GNAQ: variants seen among roughly 807,000 people sequenced by gnomAD.
GNAQ encodes guanine nucleotide-binding protein G(q) subunit alpha.
A neutral mutation model predicts 43.9 loss-of-function variants in GNAQ; 8 were observed. The ratio of observed to expected loss-of-function variants is 0.18; its 90% confidence interval spans 0.11 to 0.33. The LOEUF (loss-of-function observed/expected upper bound fraction) is 0.33, where lower values mean the gene tolerates loss of function less well. GNAQ is among the 10% of genes least tolerant of loss of function. GNAQ has a pLI of 1.00. For synonymous variants in GNAQ, 155 were observed against 170.7 expected (o/e 0.91, Z 0.71); for missense variants, 158 against 450.8 (o/e 0.35, Z 5.88).
At position 77,815,636 on chromosome 9, in the gene GNAQ, T is replaced by G. The variant is rs200924131; in HGVS notation, c.456A>C (p.Gln152His). The G allele has an allele frequency of 3.7e-6, 6 of 1,604,374 alleles. No homozygotes were observed. The highest frequency in any genetic ancestry group is 5.1e-6 in the Non-Finnish European group (6 of 1,172,292). The part of the protein sequence containing the change: ...QECYDRRREY[Q>H]LSDSTKYYLN... Reference sequence around the variant, plus strand: ...CTCACTATTTGGTAGAGTCAGATAATTGATATTCTCGTCGTCTATCATAGC... The same window carrying G: ...CTCACTATTTGGTAGAGTCAGATAAGTGATATTCTCGTCGTCTATCATAGC... The change falls in exon 3 of 7, where the codon CAA (glutamine) becomes CAC (histidine). Residue 152 changes from glutamine (Q) to histidine (H), a missense_variant. This residue lies in a region of GNAQ where 5 missense variants were observed against 32.4 expected (regional missense o/e 0.15). Transcript: ENST00000286548.
intron 3 of GNAQ, among the ~76,000 whole-genome samples, chr9:77,810,121 T>C (rs1564117202): frequency 3.3e-5 from 5 of 152,190 alleles, no homozygotes; most frequent in Admixed American, 3.3e-4. Context: ...TGGTAAGTGA[T>C]TTATAAAACA....
At chr9:77,820,967 T>C (rs1236094883) in intron 2 of GNAQ, among the ~76,000 whole-genome samples, 1 of 152,190 alleles carries the variant, frequency 6.6e-6, no homozygotes, top group East Asian at 1.9e-4. Flanking sequence ...AAAGTACCAT[T>C]AATAATTATT....
intron 1 of GNAQ, among the ~76,000 whole-genome samples, chr9:77,929,294 T>C (rs1180232436): frequency 6.6e-6 from 1 of 152,166 alleles, no homozygotes; most frequent in African/African-American, 2.4e-5. Flanking sequence ...GGGAACCAAC[T>C]CATTCAAAGA....
intron 1 of GNAQ, among the ~76,000 whole-genome samples, chr9:77,996,854 C>A (rs564780034): frequency 6.6e-6 from 1 of 152,246 alleles, no homozygotes; most frequent in Non-Finnish European, 1.5e-5. Context: ...ATTAAACTAA[C>A]AAATAAGCAG....
At chr9:77,974,878 A>C (rs550832809) in intron 1 of GNAQ, among the ~76,000 whole-genome samples, 1 of 152,368 alleles carries the variant, frequency 6.6e-6, no homozygotes, top group South Asian at 2.1e-4. Context: ...TCCTCATTTT[A>C]CTTTGTTGCA....
rs558228864 is a variant in GNAQ, at chr9:77,983,608, G to A, written c.136+47492C>T. Among the ~76,000 whole-genome samples, 6 of 152,274 alleles carry A rather than the reference G, an allele frequency of 3.9e-5. No individual in the cohort carries two copies. In the East Asian group the frequency reaches 1.2e-3, roughly 29 times the overall value. The stretch of plus-strand genomic sequence containing the variant: ...TCCTTATTCCTCATAGTTGGTGTAT[G>A]TTGCCTTTTGCCTCTTTCTTTCAAG... On this transcript the variant is annotated intron_variant, in intron 1 of 6. Transcript: ENST00000286548.
intron 4 of GNAQ, among the ~76,000 whole-genome samples, chr9:77,795,116 A>T (rs1279882391): frequency 6.6e-6 from 1 of 152,188 alleles, no homozygotes; most frequent in Non-Finnish European, 1.5e-5. Context: ...CTCATCCTTT[A>T]TCAGCAGGGT....
At chr9:77,974,653 G>A (rs56038459) in intron 1 of GNAQ, among the ~76,000 whole-genome samples, 4,829 of 152,258 alleles carry the variant, frequency 0.032, 114 homozygotes, top group Non-Finnish European at 0.046. Context: ...CAGGATGCAA[G>A]GCTGCCTAGT....
chr9:77,759,859 T>C (rs891077226), intron 5 of GNAQ, among the ~76,000 whole-genome samples: 1 of 152,072 alleles, frequency 6.6e-6, no homozygotes, highest in African/African-American at 2.4e-5. Flanking sequence ...ATAATGTTCT[T>C]AGTCCCTATT....
chr9:77,785,501 T>C (rs998965752), intron 5 of GNAQ, among the ~76,000 whole-genome samples: 6 of 152,168 alleles, frequency 3.9e-5, no homozygotes, highest in African/African-American at 1.2e-4. Context: ...GTTGAACATA[T>C]GTATTCCCTG....
At chr9:77,795,582 T>G (rs1009653950) in intron 4 of GNAQ, among the ~76,000 whole-genome samples, 1 of 152,094 alleles carries the variant, frequency 6.6e-6, no homozygotes, top group Non-Finnish European at 1.5e-5. Context: ...AAACAAGAAC[T>G]AAGATCTTCT....
chr9:77,724,117 A>G (rs941560734), intron 6 of GNAQ, among the ~76,000 whole-genome samples: 7 of 152,120 alleles, frequency 4.6e-5, no homozygotes, highest in South Asian at 2.1e-4. Context: ...TACGTATCAT[A>G]TATCTGTCTT....
intron 1 of GNAQ, among the ~76,000 whole-genome samples, chr9:77,981,844 T>G (rs1823372618): frequency 6.6e-6 from 1 of 152,188 alleles, no homozygotes; most frequent in Non-Finnish European, 1.5e-5. Flanking sequence ...GCTGCTCAAT[T>G]TTACCTTGAT....
chr9:77,779,680 CA>C (rs58014303), intron 5 of GNAQ, among the ~76,000 whole-genome samples: 11,116 of 96,094 alleles, frequency 0.12, 401 homozygotes, highest in African/African-American at 0.21. Context: ...AAAAACAAAA[CA>C]AAAAAAAAAA....
intron 5 of GNAQ, among the ~76,000 whole-genome samples, chr9:77,747,395 TGAA>T (rs1825747581): frequency 6.6e-6 from 1 of 152,154 alleles, no homozygotes; most frequent in African/African-American, 2.4e-5. Context: ...TACCCTGTTA[TGAA>T]GAAGACTTTT....
intron 1 of GNAQ, among the ~76,000 whole-genome samples, chr9:78,016,086 C>A (rs996256986): frequency 1.3e-5 from 2 of 152,116 alleles, no homozygotes; most frequent in African/African-American, 2.4e-5. Flanking sequence ...CCCCACATCA[C>A]ACCACATACA....
intron 1 of GNAQ, among the ~76,000 whole-genome samples, chr9:78,028,284 C>T (rs1380029012): frequency 1.3e-5 from 2 of 151,998 alleles, no homozygotes; most frequent in Admixed American, 1.3e-4. Context: ...TGGTAGATTT[C>T]AGGGTTCACG....
intron 5 of GNAQ, among the ~76,000 whole-genome samples, chr9:77,783,610 C>T: frequency 6.6e-6 from 1 of 152,144 alleles, no homozygotes; most frequent in East Asian, 1.9e-4. Context: ...GCTGCTGCCA[C>T]CACCTACCTT....
chr9:77,948,617 A>G (rs992979602), intron 1 of GNAQ, among the ~76,000 whole-genome samples: 9 of 152,188 alleles, frequency 5.9e-5, no homozygotes, highest in African/African-American at 2.2e-4. Context: ...GCACAGCAGA[A>G]AGAACGACCG....
Sources: gnomAD v4.1 joint callset for allele counts (sites outside exome capture counted in the v4.1 genomes callset) on GRCh38, gnomAD v4.1.1 for gene constraint, gnomAD v4.1.1 regional missense constraint, MANE v1.5 for transcripts, NCBI Gene and HGNC (gene_info 2026-07-23, HGNC 2026-07-21) for gene names.